The following MOB1B variants were observed in gnomAD, a reference collection of about 807,000 sequenced individuals.
MOB1B encodes MOB1 Mps One Binder homolog B.
Under a neutral mutation model 24.4 loss-of-function variants are expected in MOB1B, and 19 were observed. That is an observed-to-expected ratio of 0.78 (90% CI 0.54 to 1.14). The LOEUF is 1.14. Ranked by LOEUF, MOB1B falls within the 50% of genes most tolerant of loss-of-function variation. MOB1B has a pLI of 0.00. For missense variants in MOB1B, 243 were observed against 259.6 expected (o/e 0.94, Z 0.44); for synonymous variants, 76 against 82.1 (o/e 0.93, Z 0.40).
At chr4:70,936,008 C>T (rs952699168) in intron 1 of MOB1B, among the ~76,000 whole-genome samples, 47 of 152,042 alleles carry the variant, frequency 3.1e-4, no homozygotes, top group Middle Eastern at 3.4e-3. Flanking sequence ...CCCACCACTA[C>T]GCCCGGCTAA....
intron 2 of MOB1B, among the ~76,000 whole-genome samples, chr4:70,962,012 G>A (rs900602308): frequency 2.6e-5 from 4 of 152,106 alleles, no homozygotes; most frequent in Admixed American, 1.3e-4. Flanking sequence ...GATTGTTTGA[G>A]GCCAGGAGTT....
At chr4:70,954,056 AC>A (rs995127762) in intron 1 of MOB1B, among the ~76,000 whole-genome samples, 2 of 151,806 alleles carry the variant, frequency 1.3e-5, no homozygotes, top group Non-Finnish European at 2.9e-5. Context: ...TCAGCGTAGC[AC>A]CCCCCCAAAA....
At chr4:70,934,899 A>G (rs1211761760) in intron 1 of MOB1B, among the ~76,000 whole-genome samples, 1 of 151,712 alleles carries the variant, frequency 6.6e-6, no homozygotes, top group African/African-American at 2.4e-5. Flanking sequence ...TTCTTTTCTT[A>G]TAATTAAAAA....
intron 1 of MOB1B, among the ~76,000 whole-genome samples, chr4:70,936,053 G>A (rs1259606974): frequency 2.6e-5 from 4 of 151,886 alleles, no homozygotes; most frequent in South Asian, 4.2e-4. Flanking sequence ...GGGTTTCACC[G>A]TTTTAGCTGG....
intron 1 of MOB1B, among the ~76,000 whole-genome samples, chr4:70,953,959 A>G (rs1364637190): frequency 6.6e-6 from 1 of 152,146 alleles, no homozygotes; most frequent in East Asian, 1.9e-4. Context: ...AGAAAATAAA[A>G]GAAGAAAGTT....
intron 2 of MOB1B, among the ~76,000 whole-genome samples, chr4:70,961,890 C>T (rs915662213): frequency 6.6e-6 from 1 of 151,964 alleles, no homozygotes; most frequent in African/African-American, 2.4e-5. Context: ...AATTACTTAG[C>T]TAATACAGGA....
chr4:70,921,821 A>C (rs933853250), intron 1 of MOB1B, among the ~76,000 whole-genome samples: 6 of 152,036 alleles, frequency 3.9e-5, no homozygotes, highest in Admixed American at 2.6e-4. Flanking sequence ...TTTCTTTACA[A>C]TACTTCTTAT....
chr4:70,913,498 CA>C (rs772865216), intron 1 of MOB1B, among the ~76,000 whole-genome samples: 2 of 151,872 alleles, frequency 1.3e-5, no homozygotes, highest in Non-Finnish European at 2.9e-5. Flanking sequence ...CCCACATTGC[CA>C]GGGCTGGTCT....
chr4:70,942,329 T>C (rs1161444567), intron 1 of MOB1B, among the ~76,000 whole-genome samples: 1 of 151,984 alleles, frequency 6.6e-6, no homozygotes, highest in East Asian at 1.9e-4. Context: ...ATATTTAATA[T>C]TTAATATTTA....
chr4:70,917,139 G>A (rs970742964), intron 1 of MOB1B, among the ~76,000 whole-genome samples: 5 of 152,210 alleles, frequency 3.3e-5, no homozygotes, highest in African/African-American at 9.6e-5. Context: ...CCTCCTGGCA[G>A]TGTTCTCTTT....
intron 1 of MOB1B, among the ~76,000 whole-genome samples, chr4:70,914,181 T>G (rs1736108556): frequency 6.6e-6 from 1 of 152,222 alleles, no homozygotes; most frequent in Non-Finnish European, 1.5e-5. Context: ...ACATCAAATC[T>G]GCTGGTGACT....
chr4:70,949,105 A>G (rs1354004461), intron 1 of MOB1B, among the ~76,000 whole-genome samples: 2 of 152,196 alleles, frequency 1.3e-5, no homozygotes, highest in African/African-American at 2.4e-5. Context: ...GGGCATATCT[A>G]TGCTAGGTTT....
In MOB1B at chr4:70,963,967, C is replaced by T. The variant is rs564651849; in HGVS notation, c.181+4927C>T. Among the ~76,000 whole-genome samples the T allele has an allele frequency of 1.2e-3, 181 of 152,228 alleles. 1 individual carries two copies. The highest frequency in any genetic ancestry group is 4.5e-3 in the Admixed American group (69 of 15,284). ...GTTGAAACTAAAGTTAAACACTAAT[C>T]CAAAGAATCCCGATAGTCGTGTTAT... is the stretch of plus-strand genomic sequence containing the variant. On this transcript the variant is annotated intron_variant, in intron 2 of 5. Transcript: ENST00000309395.
rs1303530448 is a variant in MOB1B, at chr4:70,977,989, G to T, written c.410-1139G>T. Among the ~76,000 whole-genome samples the T allele has an allele frequency of 1.4e-4, 21 of 152,118 alleles. 1 individual carries two copies. Among genetic ancestry groups the T allele is most frequent in the Non-Finnish European group, 3.1e-4 (21 of 68,016 alleles). On this transcript the variant is annotated intron_variant, in intron 4 of 5. Transcript: ENST00000309395. ...AGGTGTGAGTCACTGCCCAGCTTCA[G>T]TACACTAAGTACACTATTTGTAACT...
At chr4:70,947,148 A>G (rs1737617909) in intron 1 of MOB1B, among the ~76,000 whole-genome samples, 1 of 152,186 alleles carries the variant, frequency 6.6e-6, no homozygotes, top group South Asian at 2.1e-4. Context: ...AAATTACACA[A>G]TTTCCCTAAG....
chr4:70,912,329 G>C lies in MOB1B; in HGVS notation c.14+9779G>C, dbSNP rs138372068. ...GAGTCTCACTCTGTCTCCCAGGCTGGAGTGCAGTGGTGCGATCTCTGCTCA... is the reference window on the plus strand; with the variant it reads ...GAGTCTCACTCTGTCTCCCAGGCTGCAGTGCAGTGGTGCGATCTCTGCTCA... On this transcript the variant is annotated intron_variant, in intron 1 of 5. Transcript: ENST00000309395. 2.5e-3 allele frequency among the ~76,000 whole-genome samples: 370 copies of C among 150,904 alleles called. 2 individuals carry two copies. The highest frequency in any genetic ancestry group is 8.5e-3 in the African/African-American group (349 of 41,084).
At chr4:70,932,402 C>G (rs1047588563) in intron 1 of MOB1B, among the ~76,000 whole-genome samples, 36 of 152,076 alleles carry the variant, frequency 2.4e-4, no homozygotes, top group South Asian at 4.2e-4. Context: ...TTTTCTTTTT[C>G]TTTCTTTTTT....
chr4:70,953,797 A>G (rs1371128318), intron 1 of MOB1B, among the ~76,000 whole-genome samples: 1 of 152,200 alleles, frequency 6.6e-6, no homozygotes, highest in African/African-American at 2.4e-5. Flanking sequence ...TACAAAAATT[A>G]TCTGGGCATA....
rs962206229 is a variant in MOB1B at position 70,926,962 on chromosome 4, A to G, written c.14+24412A>G. ...CAGTGAGCCGAGATTGTGACACTGC[A>G]CTCCGGCCTGGGCAACAGAGCAAGA... On this transcript the variant is annotated intron_variant, in intron 1 of 5. Coordinates refer to ENST00000309395, the MANE Select transcript of MOB1B (RefSeq NM_173468.4). Among the ~76,000 whole-genome samples, 11 of 150,770 alleles carry G rather than the reference A, an allele frequency of 7.3e-5. No individual in the cohort carries two copies. The South Asian group carries it at 2.1e-3, about 29-fold the overall frequency.
Sources: allele counts gnomAD v4.1 joint callset (sites outside exome capture counted in the v4.1 genomes callset), GRCh38; gene constraint gnomAD v4.1.1; transcripts MANE v1.5; gene names NCBI Gene and HGNC (gene_info 2026-07-23, HGNC 2026-07-21).